The following MYRIP variants were observed in gnomAD, a reference collection of about 807,000 sequenced individuals.
MYRIP encodes the protein myosin VIIA and Rab interacting protein.
In MYRIP, 49 loss-of-function variants were observed where a neutral mutation model predicts 98.0. That is an observed-to-expected ratio of 0.50 (90% CI 0.40 to 0.63). The LOEUF (loss-of-function observed/expected upper bound fraction) is 0.63, where lower values mean the gene tolerates loss of function less well. Ranked by LOEUF, MYRIP falls within the 30% of genes least tolerant of loss-of-function variation. The probability of loss-of-function intolerance (pLI) is 0.00; values close to 1 mark genes in which losing one functional copy is unlikely to be tolerated. For missense variants in MYRIP, 1,004 were observed against 1,058.2 expected (o/e 0.95, Z 0.71); for synonymous variants, 404 against 409.5 (o/e 0.99, Z 0.16).
intron 11 of MYRIP, among the ~76,000 whole-genome samples, chr3:40,218,653 T>TATAC: frequency 7.6e-6 from 1 of 132,192 alleles, no homozygotes; most frequent in East Asian, 2.1e-4. Context: ...TATATATATA[T>TATAC]ATACATACAC....
At chr3:39,878,799 G>A (rs1402740448) in intron 1 of MYRIP, among the ~76,000 whole-genome samples, 1 of 151,630 alleles carries the variant, frequency 6.6e-6, no homozygotes, top group Non-Finnish European at 1.5e-5. Context: ...GCTCACACCT[G>A]TAATCCCAGC....
chr3:39,957,015 T>C (rs1575412461), intron 2 of MYRIP, among the ~76,000 whole-genome samples: 1 of 151,746 alleles, frequency 6.6e-6, no homozygotes, highest in Non-Finnish European at 1.5e-5. Flanking sequence ...AATAACAGGC[T>C]CTGTAATTCA....
chr3:40,226,600 A>T (rs956480265), intron 11 of MYRIP, among the ~76,000 whole-genome samples: 3 of 152,216 alleles, frequency 2.0e-5, no homozygotes, highest in Non-Finnish European at 4.4e-5. Flanking sequence ...CCTGGGCTTT[A>T]AAACCAGGCA....
intron 2 of MYRIP, among the ~76,000 whole-genome samples, chr3:39,979,477 A>T (rs776158236): frequency 6.6e-6 from 1 of 152,016 alleles, no homozygotes; most frequent in African/African-American, 2.4e-5. Context: ...CGTCTCTACT[A>T]AAAGTACAAA....
intron 1 of MYRIP, among the ~76,000 whole-genome samples, chr3:39,838,469 T>A (rs1941692171): frequency 6.6e-6 from 1 of 152,204 alleles, no homozygotes; most frequent in South Asian, 2.1e-4. Context: ...GAGATAATCA[T>A]GTGGTTCTTG....
Position 39,871,044 on chromosome 3 carries a change from C to A in MYRIP, c.-30-29743C>A, listed in dbSNP as rs80003701. Reference sequence around the variant, plus strand: ...CCATGTAGGTGGGCTGTCAGACCAACAGGAGATTTACTGTGATTCAATGAC... The same window carrying A: ...CCATGTAGGTGGGCTGTCAGACCAAAAGGAGATTTACTGTGATTCAATGAC... On this transcript the variant is annotated intron_variant, in intron 1 of 16. Transcript: ENST00000302541. Among the ~76,000 whole-genome samples the A allele has an allele frequency of 9.9e-3, 1,508 of 152,318 alleles. 27 individuals carry two copies. Among genetic ancestry groups the A allele is most frequent in the African/African-American group, 0.035 (1,446 of 41,570 alleles).
intron 4 of MYRIP, among the ~76,000 whole-genome samples, chr3:40,155,738 G>A (rs1232362496): frequency 7.9e-5 from 12 of 151,920 alleles, no homozygotes; most frequent in East Asian, 1.9e-4. Flanking sequence ...TTCTCTGATG[G>A]CCAGTGATGG....
At chr3:39,985,626 C>T (rs1340941019) in intron 2 of MYRIP, among the ~76,000 whole-genome samples, 1 of 141,972 alleles carries the variant, frequency 7.0e-6, no homozygotes, top group South Asian at 2.4e-4. Flanking sequence ...ATCAATGGAA[C>T]AGAACAGAGC....
At chr3:39,847,327 A>T (rs977856448) in intron 1 of MYRIP, among the ~76,000 whole-genome samples, 4 of 152,232 alleles carry the variant, frequency 2.6e-5, no homozygotes, top group African/African-American at 9.6e-5. Context: ...ATGTAAAGTT[A>T]ACTCTACTTA....
At position 40,233,929 on chromosome 3, in the gene MYRIP, T is replaced by G; in HGVS notation, c.1976T>G (p.Leu659Trp). 1 of 1,613,816 alleles carries G rather than the reference T, an allele frequency of 6.2e-7. No homozygotes were observed. The highest frequency in any genetic ancestry group is 1.7e-4 in the Middle Eastern group (1 of 6,060). ...VLKVINATEE[L>W]IAGSTGPWES... Reference sequence around the variant, plus strand: ...AAAGTCATCAATGCCACAGAGGAGTTGATAGCAGGATCTACAGGGCCCTGG... The same window carrying G: ...AAAGTCATCAATGCCACAGAGGAGTGGATAGCAGGATCTACAGGGCCCTGG... The change falls in exon 12 of 17, where the codon TTG becomes TGG. Residue 659 changes from leucine to tryptophan, a missense_variant. Coordinates refer to ENST00000302541, the MANE Select transcript of MYRIP (RefSeq NM_015460.4).
chr3:40,132,765 C>A (rs1252143972), intron 3 of MYRIP, among the ~76,000 whole-genome samples: 13 of 152,262 alleles, frequency 8.5e-5, no homozygotes, highest in Admixed American at 7.8e-4. Flanking sequence ...AGAATCTCTG[C>A]CTAACTCCTC....
chr3:40,046,203 G>T (rs1219413909), intron 3 of MYRIP, among the ~76,000 whole-genome samples: 2 of 152,104 alleles, frequency 1.3e-5, no homozygotes, highest in Non-Finnish European at 2.9e-5. Context: ...TAGAAGGTCA[G>T]GATGTGAGAG....
rs1559482171 is a variant in MYRIP at position 40,260,051 on chromosome 3, C to A, written c.*1885C>A. 6.6e-6 allele frequency: 1 copy of A among 152,570 alleles called. No homozygotes were observed. Among genetic ancestry groups the A allele is most frequent in the African/African-American group, 2.4e-5 (1 of 41,418 alleles). 9.5% of individuals were successfully genotyped at this position (152,570 alleles called of 1,614,324 possible). A position where few individuals can be genotyped will look rare whatever the true frequency, so the allele number is the denominator to read the frequency against. ...AAGGTTTCCTTGTGCCAAATAAGTG[C>A]AAAGATTTAATTTACTATTAAAAAC... is the stretch of plus-strand genomic sequence containing the variant. On this transcript the variant is annotated 3_prime_UTR_variant, in exon 17 of 17. Transcript: ENST00000302541.
At chr3:39,888,814 A>G (rs1943392596) in intron 1 of MYRIP, among the ~76,000 whole-genome samples, 1 of 152,212 alleles carries the variant, frequency 6.6e-6, no homozygotes. Flanking sequence ...TCTACAATGA[A>G]CTCAAACAAA....
At chr3:40,010,990 T>G (rs1946749868) in intron 2 of MYRIP, among the ~76,000 whole-genome samples, 1 of 152,110 alleles carries the variant, frequency 6.6e-6, no homozygotes, top group African/African-American at 2.4e-5. Flanking sequence ...AAATCAGCAG[T>G]GGGTTTAGGA....
intron 2 of MYRIP, among the ~76,000 whole-genome samples, chr3:39,962,861 T>G (rs1172012845): frequency 6.6e-6 from 1 of 152,126 alleles, no homozygotes; most frequent in African/African-American, 2.4e-5. Flanking sequence ...AAGCCAAGAT[T>G]CACTTGACTT....
At chr3:39,965,912 T>C (rs1448088705) in intron 2 of MYRIP, among the ~76,000 whole-genome samples, 2 of 152,324 alleles carry the variant, frequency 1.3e-5, no homozygotes, top group East Asian at 3.9e-4. Context: ...TAATTGTATA[T>C]GTTTGATATC....
intron 16 of MYRIP, among the ~76,000 whole-genome samples, chr3:40,255,018 T>C (rs533022689): frequency 1.5e-4 from 23 of 152,288 alleles, no homozygotes; most frequent in African/African-American, 5.5e-4. Context: ...GATACATCCT[T>C]TTGAAATAAA....
chr3:40,251,991 G>A lies in MYRIP; in HGVS notation c.2539G>A (p.Asp847Asn). The A allele has an allele frequency of 1.3e-6, 2 of 1,599,772 alleles. No individual in the cohort carries two copies. Among genetic ancestry groups the A allele is most frequent in the Non-Finnish European group, 1.7e-6 (2 of 1,167,042 alleles). ...RTKERKGTTK[D>N]LMEPALESAV... The stretch of plus-strand genomic sequence containing the variant: ...TAAGGAAAGGAAAGGCACCACCAAG[G>A]ATTTGATGGTAAATGTCATCTCTGT... Residue 847 changes from aspartate (D) to asparagine (N), a missense_variant, in exon 16 of 17, where the codon GAT (aspartate) becomes AAT (asparagine). Around this residue, in one of 3 missense-constraint regions of MYRIP, gnomAD observed 108 missense variants for 111.1 expected, o/e 0.97. Transcript: ENST00000302541.
Sources: allele counts gnomAD v4.1 joint callset (sites outside exome capture counted in the v4.1 genomes callset), GRCh38; gene constraint gnomAD v4.1.1; regional missense constraint gnomAD v4.1.1; transcripts MANE v1.5; gene names NCBI Gene and HGNC (gene_info 2026-07-23, HGNC 2026-07-21).